The following EPB41L4B variants were observed in gnomAD, a reference collection of about 807,000 sequenced individuals.
EPB41L4B encodes erythrocyte membrane protein band 4.1 like 4B, also known as band 4.1-like protein 4B.
A neutral mutation model predicts 112.5 loss-of-function variants in EPB41L4B; 30 were observed. That is an observed-to-expected ratio of 0.27 (90% CI 0.20 to 0.36). The LOEUF (loss-of-function observed/expected upper bound fraction) is 0.36, where lower values mean the gene tolerates loss of function less well. Among genes scored for constraint, EPB41L4B ranks in the 10% least tolerant of loss-of-function variants. EPB41L4B has a pLI of 1.00. For synonymous variants in EPB41L4B, 408 were observed against 439.7 expected, an observed-to-expected ratio of 0.93 and a Z score of 0.90; for missense variants, 1,024 against 1,133.3, an observed-to-expected ratio of 0.90 and a Z score of 1.38.
chr9:109,248,928 G>C (rs922673523), intron 13 of EPB41L4B, among the ~76,000 whole-genome samples: 1 of 151,590 alleles, frequency 6.6e-6, no homozygotes, highest in Non-Finnish European at 1.5e-5. Context: ...GCGTGGTGGC[G>C]GGCACCTGTA....
chr9:109,203,989 C>T (rs41278385), intron 18 of EPB41L4B, among the ~76,000 whole-genome samples: 5 of 152,170 alleles, frequency 3.3e-5, no homozygotes, highest in Admixed American at 6.5e-5. Flanking sequence ...ACACCTGCTA[C>T]GTGCCAGCTC....
Position 109,294,034 on chromosome 9 carries a change from T to C in EPB41L4B, c.307-14113A>G, listed in dbSNP as rs150999298. On this transcript the variant is annotated intron_variant, in intron 1 of 25. Coordinates refer to ENST00000374566, the MANE Select transcript of EPB41L4B (RefSeq NM_019114.5). ...TTAAGAAATCATTGTTGGCCGGGTG[T>C]GGTGGCTCACGCCTGTAATCCCAGC... Among the ~76,000 whole-genome samples the C allele has an allele frequency of 3.1e-3, 468 of 152,226 alleles. 2 individuals carry two copies. The highest frequency in any genetic ancestry group is 4.9e-3 in the Non-Finnish European group (336 of 67,990).
chr9:109,268,681 G>A (rs944011465), intron 2 of EPB41L4B, among the ~76,000 whole-genome samples: 3 of 151,938 alleles, frequency 2.0e-5, no homozygotes, highest in Admixed American at 2.0e-4. Flanking sequence ...GGCGGATCAC[G>A]AGGTCAGGAG....
intron 17 of EPB41L4B, among the ~76,000 whole-genome samples, chr9:109,211,914 C>A (rs1833195331): frequency 7.0e-6 from 1 of 142,646 alleles, no homozygotes; most frequent in Non-Finnish European, 1.5e-5. Flanking sequence ...TGGGGGGGGT[C>A]TCGCCATGTT....
In EPB41L4B at chr9:109,256,378, GCA is replaced by G. The variant is rs780018472; in HGVS notation, c.840+13_840+14del. 6 of 1,611,924 alleles carry G rather than the reference GCA, an allele frequency of 3.7e-6. No individual in the cohort carries two copies. The East Asian group carries it at 1.3e-4, about 36-fold the overall frequency. On this transcript the variant is annotated intron_variant, in intron 8 of 25. Transcript: ENST00000374566. ...AACAGCAAAACCAAATTACTTAAAC[GCA>G]CACAGTTCTTACCCTGACAACGTGC... is the stretch of plus-strand genomic sequence containing the variant.
intron 16 of EPB41L4B, 117 bp from the exon 17 acceptor site, chr9:109,213,935 C>T: frequency 1.2e-6 from 1 of 825,472 alleles, no homozygotes; most frequent in South Asian, 1.6e-5. Flanking sequence ...GCCTCCTCCT[C>T]CAGCAGCTCT....
In EPB41L4B at chr9:109,256,472, C is replaced by A. The variant is rs761042234; in HGVS notation, c.761G>T (p.Ser254Ile). The A allele has an allele frequency of 6.2e-7, 1 of 1,613,752 alleles. No individual in the cohort carries two copies. Among genetic ancestry groups the A allele is most frequent in the African/African-American group, 1.3e-5 (1 of 75,028 alleles). ...ATAGGAGAGTTCCGCCTGGGCAGGGCTCTTTCCCCTTAGAAAAACCAATGG... is the reference window on the plus strand; with the variant it reads ...ATAGGAGAGTTCCGCCTGGGCAGGGATCTTTCCCCTTAGAAAAACCAATGG... ...FQRWKECRGKSPAQAELSYLN... is the reference protein window; with the variant it reads ...FQRWKECRGKIPAQAELSYLN... Residue 254 changes from serine (S) to isoleucine (I), a missense_variant, in exon 8 of 26, where the codon AGC becomes ATC. Coordinates refer to ENST00000374566, the MANE Select transcript of EPB41L4B (RefSeq NM_019114.5).
At chr9:109,208,962 G>A (rs935923969) in intron 17 of EPB41L4B, among the ~76,000 whole-genome samples, 2 of 152,142 alleles carry the variant, frequency 1.3e-5, no homozygotes, top group South Asian at 2.1e-4. Context: ...ATTATTAGAA[G>A]AGACGTGTTT....
At chr9:109,211,895 T>C (rs183675430) in intron 17 of EPB41L4B, among the ~76,000 whole-genome samples, 2 of 101,694 alleles carry the variant, frequency 2.0e-5, no homozygotes, top group East Asian at 2.4e-4. Context: ...TTTGTACTTA[T>C]AGTAGAGATG....
intron 1 of EPB41L4B, among the ~76,000 whole-genome samples, chr9:109,283,500 A>G (rs1051906242): frequency 6.6e-6 from 1 of 152,202 alleles, no homozygotes; most frequent in African/African-American, 2.4e-5. Context: ...AGACGGCCTC[A>G]TCTCTCCACC....
chr9:109,240,989 A>G lies in EPB41L4B; in HGVS notation c.1409+2629T>C, dbSNP rs562202377. On this transcript the variant is annotated intron_variant, in intron 15 of 25. Coordinates refer to ENST00000374566, the MANE Select transcript of EPB41L4B (RefSeq NM_019114.5). The stretch of plus-strand genomic sequence containing the variant: ...TCAACTGCTTTAAGATGTGAAATTC[A>G]AAGTCCCCCTGTATCTATATAACAT... 4 of 985,414 alleles carry G rather than the reference A, an allele frequency of 4.1e-6. No individual in the cohort carries two copies. In the African/African-American group the frequency reaches 7.0e-5, roughly 17 times the overall value. The allele number at this position is 985,414 out of a possible 1,614,324, so 61.0% of individuals were successfully genotyped here.
chr9:109,259,640 C>T (rs1021683753), intron 6 of EPB41L4B, among the ~76,000 whole-genome samples: 1 of 152,134 alleles, frequency 6.6e-6, no homozygotes, highest in African/African-American at 2.4e-5. Context: ...TCTGGGTCTC[C>T]GGTGCCTGAT....
intron 2 of EPB41L4B, among the ~76,000 whole-genome samples, chr9:109,278,631 C>A (rs1835923993): frequency 6.6e-6 from 1 of 152,120 alleles, no homozygotes; most frequent in Admixed American, 6.5e-5. Flanking sequence ...GATCAGGGAA[C>A]CCAGACTTTA....
intron 8 of EPB41L4B, 55 bp downstream of exon 8, chr9:109,256,338 C>T: frequency 2.5e-6 from 4 of 1,597,252 alleles, no homozygotes; most frequent in African/African-American, 1.3e-5. Context: ...GCATAATGTT[C>T]ATACATTTTT....
rs10631824 is a variant in EPB41L4B at position 109,265,551 on chromosome 9, A to AACACAC, written c.534-533_534-528dup. Among the ~76,000 whole-genome samples the AACACAC allele has an allele frequency of 4.6e-3, 686 of 150,070 alleles. 7 individuals are homozygous for AACACAC. The highest frequency in any genetic ancestry group is 0.015 in the African/African-American group (631 of 41,052). Reference sequence around the variant, plus strand: ...AAACACAAAACAGGCACAGCACACAAACACACACACACACACACACGAAAC... The same window carrying AACACAC: ...AAACACAAAACAGGCACAGCACACAAACACACACACACACACACACACACACGAAAC... On this transcript the variant is annotated intron_variant, in intron 4 of 25. Transcript: ENST00000374566.
At chr9:109,292,960 A>G (rs34134394) in intron 1 of EPB41L4B, among the ~76,000 whole-genome samples, 34,332 of 152,174 alleles carry the variant, frequency 0.23, 4,817 homozygotes, top group Non-Finnish European at 0.3. Flanking sequence ...AGGTGAGCTC[A>G]GCCTTCCAGC....
intron 15 of EPB41L4B, among the ~76,000 whole-genome samples, chr9:109,230,440 T>C (rs1163179150): frequency 6.6e-6 from 1 of 152,186 alleles, no homozygotes; most frequent in Non-Finnish European, 1.5e-5. Context: ...GTGGCAGACA[T>C]TGCATTTTTG....
intron 1 of EPB41L4B, among the ~76,000 whole-genome samples, chr9:109,290,793 A>C (rs1240054618): frequency 6.6e-6 from 1 of 151,476 alleles, no homozygotes; most frequent in Non-Finnish European, 1.5e-5. Context: ...CCCCCCACCA[A>C]GTGGCCCAGG....
At chr9:109,210,093 A>G (rs1313866486) in intron 17 of EPB41L4B, among the ~76,000 whole-genome samples, 2 of 152,156 alleles carry the variant, frequency 1.3e-5, no homozygotes, top group African/African-American at 4.8e-5. Flanking sequence ...ACCAAAAAAA[A>G]AAGAGCATTG....
Sources: allele counts gnomAD v4.1 joint callset (sites outside exome capture counted in the v4.1 genomes callset), GRCh38; gene constraint gnomAD v4.1.1; transcripts MANE v1.5; gene names NCBI Gene and HGNC (gene_info 2026-07-23, HGNC 2026-07-21).